The following ATP7B variants were observed in gnomAD, a reference collection of about 807,000 sequenced individuals.
The protein encoded by ATP7B is copper-transporting ATPase 2.
Under a neutral mutation model 118.9 loss-of-function variants are expected in ATP7B, and 113 were observed. That is an observed-to-expected ratio of 0.95 (90% confidence interval 0.82 to 1.11). The LOEUF (loss-of-function observed/expected upper bound fraction) is 1.11, where lower values mean the gene tolerates loss of function less well. Among genes scored for constraint, ATP7B ranks in the 50% most tolerant of loss-of-function variants. The pLI is 0.00. For missense variants in ATP7B, 1,867 were observed against 1,871.4 expected (o/e 1.00, Z 0.04); for synonymous variants, 777 against 727.4 (o/e 1.07, Z -1.10).
At chr13:51,959,772 T>C in intron 7 of ATP7B, 1 of 322,354 alleles carries the variant, frequency 3.1e-6, no homozygotes, top group Non-Finnish European at 6.0e-6. Context: ...TGGCATGGGC[T>C]CAAGGGTGAT....
At chr13:51,987,357 G>A (rs1857126848) in intron 1 of ATP7B, among the ~76,000 whole-genome samples, 1 of 152,174 alleles carries the variant, frequency 6.6e-6, no homozygotes, top group South Asian at 2.1e-4. Flanking sequence ...TTTGGCAAAG[G>A]ATGTGAAGGA....
intron 1 of ATP7B, among the ~76,000 whole-genome samples, chr13:51,997,430 T>C (rs756094304): frequency 6.6e-6 from 1 of 152,244 alleles, no homozygotes; most frequent in Non-Finnish European, 1.5e-5. Context: ...GAAAATATGT[T>C]GGGATCATAT....
Position 51,939,090 on chromosome 13 carries a change from C to G in ATP7B, c.3660G>C (p.Thr1220=), listed in dbSNP as rs1253901147. The G allele has an allele frequency of 6.2e-7, 1 of 1,614,120 alleles. No individual in the cohort carries two copies. Among genetic ancestry groups the G allele is most frequent in the African/African-American group, 1.3e-5 (1 of 74,940 alleles). Residue 1220 remains threonine (T), a synonymous_variant, in exon 17 of 21, where the codon ACG becomes ACC. Transcript: ENST00000242839. ...QSMGVDVVLI[T]GDNRKTARAI... ...CTCTGGCTGTCTTCCGGTTGTCCCC[C>G]GTGATCAGAACCACGTCCACACCCA...
At chr13:52,009,407 G>A (rs1468351808) in intron 1 of ATP7B, among the ~76,000 whole-genome samples, 1 of 152,090 alleles carries the variant, frequency 6.6e-6, no homozygotes, top group Non-Finnish European at 1.5e-5. Context: ...TACCTGTGAG[G>A]TTTCATCTAC....
Position 51,974,566 on chromosome 13 carries a change from G to A in ATP7B, c.654C>T (p.Ser218=). Residue 218 remains serine, a synonymous_variant, in exon 2 of 21, where the codon AGC becomes AGT. Coordinates refer to ENST00000242839, the MANE Select transcript of ATP7B (RefSeq NM_000053.4). ...ACCGCTCAATATCAATTGGTCCCAG[G>A]CTTAAGGGAGCCACTTTGCTCTTGA... ...AAIKSKVAPL[S]LGPIDIERLQ... 6.2e-7 allele frequency: 1 copy of A among 1,614,094 alleles called. No homozygotes were observed. Among genetic ancestry groups the A allele is most frequent in the East Asian group, 2.2e-5 (1 of 44,876 alleles).
chr13:51,982,245 T>C (rs1179880636), intron 1 of ATP7B, among the ~76,000 whole-genome samples: 1 of 152,210 alleles, frequency 6.6e-6, no homozygotes, highest in Non-Finnish European at 1.5e-5. Flanking sequence ...TGCTTTATAG[T>C]TCAAAGAGCA....
rs145157941 is a variant in ATP7B, at chr13:51,971,074, T to C, written c.1286-325A>G. Reference sequence around the variant, plus strand: ...TTTCATTTCCTTCAGGAATACTTACTGCATGCGGGGTGCTATTGAGTCCAA... The same window carrying C: ...TTTCATTTCCTTCAGGAATACTTACCGCATGCGGGGTGCTATTGAGTCCAA... On this transcript the variant is annotated intron_variant, in intron 2 of 20. Transcript: ENST00000242839. Among the ~76,000 whole-genome samples the C allele has an allele frequency of 2.6e-5, 4 of 152,376 alleles. No individual in the cohort carries two copies. In the East Asian group the frequency reaches 5.8e-4, roughly 22 times the overall value.
chr13:52,002,347 A>G (rs1430641365), intron 1 of ATP7B, among the ~76,000 whole-genome samples: 2 of 150,410 alleles, frequency 1.3e-5, no homozygotes, highest in Non-Finnish European at 3.0e-5. Context: ...GGATCACTTG[A>G]GCCCAGGAGT....
chr13:51,964,177 A>C (rs894033909), intron 5 of ATP7B, among the ~76,000 whole-genome samples: 1 of 152,132 alleles, frequency 6.6e-6, no homozygotes, highest in Non-Finnish European at 1.5e-5. Flanking sequence ...TAAGCCTGCT[A>C]TAAGAGGCTT....
intron 13 of ATP7B, 91 bp downstream of exon 13, chr13:51,946,193 G>A: frequency 6.7e-7 from 1 of 1,488,602 alleles, no homozygotes; most frequent in Non-Finnish European, 9.1e-7. Flanking sequence ...CTGCTGTCTT[G>A]AGTGGCTCTC....
At chr13:51,983,299 G>A (rs891700202) in intron 1 of ATP7B, among the ~76,000 whole-genome samples, 4 of 152,206 alleles carry the variant, frequency 2.6e-5, no homozygotes, top group Non-Finnish European at 4.4e-5. Flanking sequence ...AAGCCACAGG[G>A]AAATGGCAAC....
intron 1 of ATP7B, among the ~76,000 whole-genome samples, chr13:51,986,684 G>A (rs995092233): frequency 2.0e-5 from 3 of 152,112 alleles, no homozygotes; most frequent in Non-Finnish European, 2.9e-5. Context: ...CTGGCAAACC[G>A]AATCCAGCAG....
chr13:51,951,522 G>C (rs1463200593), intron 9 of ATP7B, among the ~76,000 whole-genome samples: 1 of 152,170 alleles, frequency 6.6e-6, no homozygotes, highest in African/African-American at 2.4e-5. Context: ...ACAAACCTGA[G>C]AGCTGTCACA....
chr13:52,003,483 A>G (rs9535831), intron 1 of ATP7B, among the ~76,000 whole-genome samples: 6,815 of 152,274 alleles, frequency 0.045, 196 homozygotes, highest in South Asian at 0.09. Context: ...CTGATCACAG[A>G]TCACCGTAAC....
intron 1 of ATP7B, among the ~76,000 whole-genome samples, chr13:51,988,439 C>T (rs1481918171): frequency 1.3e-5 from 2 of 152,150 alleles, no homozygotes; most frequent in African/African-American, 4.8e-5. Flanking sequence ...GAAATAGGAA[C>T]ACTTTTACAC....
intron 1 of ATP7B, among the ~76,000 whole-genome samples, chr13:51,975,792 A>T (rs536644712): frequency 6.6e-6 from 1 of 152,232 alleles, no homozygotes; most frequent in African/African-American, 2.4e-5. Flanking sequence ...ATGCCTGTGA[A>T]AAAGCTTTGG....
chr13:51,935,783 C>T (rs1004404433), intron 19 of ATP7B, 88 bp from the exon 20 acceptor site: 22 of 1,213,818 alleles, frequency 1.8e-5, no homozygotes, highest in Non-Finnish European at 2.4e-5. Flanking sequence ...CCACCCTCAG[C>T]GGCCCCCAGT....
intron 9 of ATP7B, among the ~76,000 whole-genome samples, chr13:51,955,530 C>T (rs904478528): frequency 2.6e-5 from 4 of 152,202 alleles, no homozygotes; most frequent in Non-Finnish European, 4.4e-5. Context: ...TGGAAAAGAA[C>T]TGAGTTATGA....
chr13:51,962,990 G>C (rs145935271), intron 5 of ATP7B, among the ~76,000 whole-genome samples: 2,963 of 152,040 alleles, frequency 0.019, 106 homozygotes, highest in African/African-American at 0.069. Context: ...TACTCGGGAG[G>C]CTGAGGCAGG....
Sources: allele counts gnomAD v4.1 joint callset (sites outside exome capture counted in the v4.1 genomes callset), GRCh38; gene constraint gnomAD v4.1.1; transcripts MANE v1.5; gene names NCBI Gene and HGNC (gene_info 2026-07-23, HGNC 2026-07-21).